The following DTNBP1 variants were observed in gnomAD, a reference collection of about 807,000 sequenced individuals.
DTNBP1 encodes dysbindin.
In DTNBP1, 35 loss-of-function variants were observed where a neutral mutation model predicts 42.8. That is an observed-to-expected ratio of 0.82 (90% CI 0.63 to 1.09). The LOEUF (loss-of-function observed/expected upper bound fraction) is 1.09. Ranked by LOEUF, DTNBP1 falls within the 50% of genes least tolerant of loss-of-function variation. The pLI is 0.00. For synonymous variants in DTNBP1, 171 were observed against 162.2 expected (o/e 1.05, Z -0.41); for missense variants, 457 against 424.2 (o/e 1.08, Z -0.68).
chr6:15,539,378 G>A (rs1773427387), intron 7 of DTNBP1, among the ~76,000 whole-genome samples: 1 of 152,136 alleles, frequency 6.6e-6, no homozygotes, highest in African/African-American at 2.4e-5. Flanking sequence ...CAGGTTTTGG[G>A]CTAGGCCCAA....
At chr6:15,529,626 C>T (rs1465185152) in intron 8 of DTNBP1, among the ~76,000 whole-genome samples, 1 of 152,222 alleles carries the variant, frequency 6.6e-6, no homozygotes, top group Non-Finnish European at 1.5e-5. Context: ...TTCCATTTTG[C>T]TGAACTACTG....
At chr6:15,585,902 A>G (rs1776061747) in intron 7 of DTNBP1, 1 of 1,424,208 alleles carries the variant, frequency 7.0e-7, no homozygotes, top group Non-Finnish European at 9.2e-7. Flanking sequence ...GGTTTTTCCA[A>G]AGAAATTGTA....
chr6:15,621,622 ACTG>A lies in DTNBP1; in HGVS notation c.355+5718_355+5720del, dbSNP rs1021084002. Among the ~76,000 whole-genome samples the A allele has an allele frequency of 6.2e-4, 95 of 152,326 alleles. 1 individual carries two copies. Among genetic ancestry groups the A allele is most frequent in the Middle Eastern group, 3.4e-3 (1 of 294 alleles). ...GCTTGAAATAGTCCGTGGTCATTTT[ACTG>A]CTAACACCAAATTCATATTTATGTT... On this transcript the variant is annotated intron_variant, in intron 5 of 9. Coordinates refer to ENST00000344537, the MANE Select transcript of DTNBP1 (RefSeq NM_032122.5).
At chr6:15,644,192 A>T (rs1333066962) in intron 3 of DTNBP1, among the ~76,000 whole-genome samples, 10 of 149,584 alleles carry the variant, frequency 6.7e-5, no homozygotes, top group African/African-American at 2.5e-4. Flanking sequence ...AAAAAAAAAG[A>T]CAAAGAAGGG....
chr6:15,584,285 T>C (rs1363768866), intron 7 of DTNBP1, among the ~76,000 whole-genome samples: 1 of 152,146 alleles, frequency 6.6e-6, no homozygotes, highest in African/African-American at 2.4e-5. Flanking sequence ...AAATTGAATA[T>C]CAGATTATAC....
chr6:15,539,159 G>T (rs1290198046), intron 7 of DTNBP1, among the ~76,000 whole-genome samples: 1 of 152,164 alleles, frequency 6.6e-6, no homozygotes, highest in African/African-American at 2.4e-5. Context: ...CTACATACAT[G>T]CAAGAAACAC....
chr6:15,527,591 T>A (rs1772493690), intron 8 of DTNBP1, among the ~76,000 whole-genome samples: 1 of 152,062 alleles, frequency 6.6e-6, no homozygotes, highest in Non-Finnish European at 1.5e-5. Flanking sequence ...CAAGCCTGAA[T>A]ATTCAACTTG....
At chr6:15,531,538 G>A (rs1328050089) in intron 8 of DTNBP1, among the ~76,000 whole-genome samples, 1 of 152,144 alleles carries the variant, frequency 6.6e-6, no homozygotes, top group Non-Finnish European at 1.5e-5. Flanking sequence ...ACAACTAACT[G>A]ACTGCATTCA....
intron 6 of DTNBP1, among the ~76,000 whole-genome samples, chr6:15,604,745 C>CA (rs1223935253): frequency 8.1e-5 from 12 of 148,400 alleles, no homozygotes; most frequent in East Asian, 3.9e-4. Context: ...CAAATGTTAC[C>CA]AAAAAACAAA....
intron 7 of DTNBP1, among the ~76,000 whole-genome samples, chr6:15,553,033 T>C (rs1053378933): frequency 3.3e-5 from 5 of 152,210 alleles, no homozygotes; most frequent in African/African-American, 1.2e-4. Context: ...TGCTTAGTTT[T>C]TTGGTGTACG....
chr6:15,628,876 T>C (rs1466305094), intron 4 of DTNBP1, among the ~76,000 whole-genome samples: 2 of 152,252 alleles, frequency 1.3e-5, no homozygotes, highest in African/African-American at 4.8e-5. Context: ...GTAGGAATTC[T>C]CATTTGAAAT....
intron 7 of DTNBP1, among the ~76,000 whole-genome samples, chr6:15,535,937 A>AAAGGTCACTCAG (rs1276681063): frequency 2.6e-5 from 4 of 152,252 alleles, no homozygotes; most frequent in African/African-American, 9.6e-5. Context: ...GCTATGCTTT[A>AAAGGTCACTCAG]GCAGACTGGT....
chr6:15,636,683 G>T (rs1462636789), intron 4 of DTNBP1, among the ~76,000 whole-genome samples: 1 of 152,120 alleles, frequency 6.6e-6, no homozygotes, highest in Non-Finnish European at 1.5e-5. Context: ...AGTCCAAAGA[G>T]CTTTATCAAA....
chr6:15,643,878 A>G (rs368196909), intron 3 of DTNBP1, among the ~76,000 whole-genome samples: 8 of 152,174 alleles, frequency 5.3e-5, no homozygotes, highest in East Asian at 3.8e-4. Context: ...ATCGCACAAT[A>G]AAGACCACAA....
intron 7 of DTNBP1, 64 bp downstream of exon 7, chr6:15,592,995 G>T: frequency 1.4e-6 from 2 of 1,418,656 alleles, no homozygotes; most frequent in Non-Finnish European, 1.9e-6. Context: ...CATCATTGTC[G>T]AGAGAACATC....
chr6:15,572,145 T>C (rs1775365596), intron 7 of DTNBP1, among the ~76,000 whole-genome samples: 1 of 152,228 alleles, frequency 6.6e-6, no homozygotes, highest in Admixed American at 6.5e-5. Context: ...ATTTATTGTA[T>C]GGCTAGCACT....
intron 3 of DTNBP1, among the ~76,000 whole-genome samples, chr6:15,650,724 T>C (rs556067021): frequency 1.3e-5 from 2 of 152,346 alleles, no homozygotes; most frequent in South Asian, 2.1e-4. Context: ...TGTCTTTTTA[T>C]TGTTAAGTTT....
At chr6:15,650,631 T>C (rs1217187860) in intron 3 of DTNBP1, among the ~76,000 whole-genome samples, 1 of 152,198 alleles carries the variant, frequency 6.6e-6, no homozygotes, top group Non-Finnish European at 1.5e-5. Flanking sequence ...ACGTTGAGCA[T>C]CTTTTCATGT....
At chr6:15,620,694 A>G (rs2113718794) in intron 5 of DTNBP1, among the ~76,000 whole-genome samples, 1 of 152,376 alleles carries the variant, frequency 6.6e-6, no homozygotes. Flanking sequence ...TAGAATAGTT[A>G]AATTTAATAT....
Sources: allele counts gnomAD v4.1 joint callset (sites outside exome capture counted in the v4.1 genomes callset), GRCh38; gene constraint gnomAD v4.1.1; transcripts MANE v1.5; gene names NCBI Gene and HGNC (gene_info 2026-07-23, HGNC 2026-07-21).